Variants in WWOX observed in about 807,000 individuals in gnomAD.
WWOX encodes WW domain-containing oxidoreductase.
A neutral mutation model predicts 46.2 loss-of-function variants in WWOX; 69 were observed. That is an observed-to-expected ratio of 1.49 (90% CI 1.23 to 1.82). The LOEUF (loss-of-function observed/expected upper bound fraction) is 1.82. WWOX is among the 40% of genes most tolerant of loss of function. The probability of loss-of-function intolerance (pLI) is 0.00; values close to 1 mark genes in which losing one functional copy is unlikely to be tolerated. For synonymous variants in WWOX, 359 were observed against 202.6 expected (o/e 1.77, Z -6.56); for missense variants, 919 against 542.6 (o/e 1.69, Z -6.89).
chr16:78,517,876 T>C, intron 8 of WWOX, among the ~76,000 whole-genome samples: 1 of 149,446 alleles, frequency 6.7e-6, no homozygotes. Flanking sequence ...TTTTTTTTTT[T>C]TTTACTCTGA....
At chr16:78,958,024 G>A (rs1052902376) in intron 8 of WWOX, among the ~76,000 whole-genome samples, 2 of 152,158 alleles carry the variant, frequency 1.3e-5, no homozygotes, top group Non-Finnish European at 2.9e-5. Flanking sequence ...GGCCACATGA[G>A]CTGTTTTCTG....
intron 8 of WWOX, among the ~76,000 whole-genome samples, chr16:79,111,635 A>C (rs983784532): frequency 2.6e-5 from 4 of 152,222 alleles, no homozygotes; most frequent in Non-Finnish European, 4.4e-5. Flanking sequence ...AAGAGACCAA[A>C]AAGTCTTGTA....
At chr16:78,746,320 A>G (rs1319195221) in intron 8 of WWOX, among the ~76,000 whole-genome samples, 3 of 152,146 alleles carry the variant, frequency 2.0e-5, no homozygotes, top group Non-Finnish European at 4.4e-5. Context: ...CAATATAGCA[A>G]GACATTGCCT....
chr16:79,044,487 C>A (rs971593970), intron 8 of WWOX, among the ~76,000 whole-genome samples: 1 of 152,084 alleles, frequency 6.6e-6, no homozygotes, highest in Non-Finnish European at 1.5e-5. Flanking sequence ...GCACAGCCCC[C>A]CACCCTGTCT....
At chr16:78,308,161 C>G (rs2080168490) in intron 5 of WWOX, among the ~76,000 whole-genome samples, 1 of 152,126 alleles carries the variant, frequency 6.6e-6, no homozygotes, top group African/African-American at 2.4e-5. Context: ...AGTCCTTCCC[C>G]TAGCATGTTA....
At chr16:78,990,694 G>C (rs1055474927) in intron 8 of WWOX, among the ~76,000 whole-genome samples, 1 of 152,080 alleles carries the variant, frequency 6.6e-6, no homozygotes, top group African/African-American at 2.4e-5. Flanking sequence ...GCACATAGAG[G>C]AAAGAAGGAA....
intron 3 of WWOX, among the ~76,000 whole-genome samples, chr16:78,110,625 A>T (rs1193480735): frequency 1.3e-5 from 2 of 152,202 alleles, no homozygotes; most frequent in East Asian, 3.9e-4. Context: ...TTCTGTCTTT[A>T]GGATAAATTC....
At chr16:78,128,872 G>A (rs1366741559) in intron 4 of WWOX, among the ~76,000 whole-genome samples, 1 of 152,192 alleles carries the variant, frequency 6.6e-6, no homozygotes. Context: ...GGTTTGAGAA[G>A]CTTCTATCAG....
intron 8 of WWOX, among the ~76,000 whole-genome samples, chr16:79,063,348 C>T (rs555289968): frequency 2.0e-5 from 3 of 152,282 alleles, no homozygotes; most frequent in South Asian, 2.1e-4. Context: ...TATTTCCTGG[C>T]GTGCGTATCT....
intron 8 of WWOX, among the ~76,000 whole-genome samples, chr16:78,513,329 G>A (rs1476517414): frequency 1.3e-5 from 2 of 152,136 alleles, no homozygotes; most frequent in African/African-American, 2.4e-5. Flanking sequence ...AGAGGGTATG[G>A]GCAACATTTG....
chr16:78,991,982 C>G (rs985739471), intron 8 of WWOX, among the ~76,000 whole-genome samples: 1 of 152,188 alleles, frequency 6.6e-6, no homozygotes, highest in Non-Finnish European at 1.5e-5. Context: ...CGAAATGAAA[C>G]TCAGGGGGTT....
At chr16:78,964,756 G>T (rs1369408466) in intron 8 of WWOX, among the ~76,000 whole-genome samples, 1 of 152,220 alleles carries the variant, frequency 6.6e-6, no homozygotes, top group East Asian at 1.9e-4. Flanking sequence ...CCTATCAGAG[G>T]CCTGAAGTCC....
chr16:79,071,902 T>C (rs576266047), intron 8 of WWOX, among the ~76,000 whole-genome samples: 3 of 152,196 alleles, frequency 2.0e-5, no homozygotes, highest in Non-Finnish European at 4.4e-5. Context: ...ATGGTCTCAT[T>C]GGGTGGTAGG....
chr16:78,644,722 C>A (rs569719120), intron 8 of WWOX, among the ~76,000 whole-genome samples: 51 of 152,166 alleles, frequency 3.4e-4, no homozygotes, highest in Non-Finnish European at 6.0e-4. Flanking sequence ...CTTTGCCTCC[C>A]AAAGTGCTGG....
intron 8 of WWOX, among the ~76,000 whole-genome samples, chr16:78,635,953 G>C (rs1034455747): frequency 6.6e-6 from 1 of 152,184 alleles, no homozygotes; most frequent in Admixed American, 6.5e-5. Context: ...TGGAAGTACA[G>C]AGGAAGCCTT....
intron 5 of WWOX, among the ~76,000 whole-genome samples, chr16:78,362,144 A>G (rs117306459): frequency 0.011 from 1,642 of 151,876 alleles, 17 homozygotes; most frequent in Non-Finnish European, 0.014. Flanking sequence ...GGCTGGTGAG[A>G]ACTTGATTTT....
intron 8 of WWOX, among the ~76,000 whole-genome samples, chr16:79,196,757 A>G (rs1035253784): frequency 6.6e-6 from 1 of 152,000 alleles, no homozygotes; most frequent in African/African-American, 2.4e-5. Flanking sequence ...TTGTTACAAC[A>G]TGTAGATTTC....
At chr16:79,191,632 C>G (rs747935054) in intron 8 of WWOX, among the ~76,000 whole-genome samples, 5 of 152,118 alleles carry the variant, frequency 3.3e-5, no homozygotes, top group Admixed American at 6.5e-5. Context: ...TCTATCAAAT[C>G]CTAGCTGGAC....
In WWOX at chr16:79,212,076, G is replaced by A. The variant is rs766067195; in HGVS notation, c.*280G>A. 207 of 1,536,418 alleles carry A rather than the reference G, an allele frequency of 1.3e-4. No individual in the cohort carries two copies. The highest frequency in any genetic ancestry group is 2.5e-4 in the South Asian group (21 of 84,060). ...AAAACCTGCTTGGTGTGTAGGTTCCGTATCTCCCTGGAGAAGCACCAGCAA... is the reference window on the plus strand; with the variant it reads ...AAAACCTGCTTGGTGTGTAGGTTCCATATCTCCCTGGAGAAGCACCAGCAA... On this transcript the variant is annotated 3_prime_UTR_variant, in exon 9 of 9. Coordinates refer to ENST00000566780, the MANE Select transcript of WWOX (RefSeq NM_016373.4).
Sources: gnomAD v4.1 joint callset for allele counts (sites outside exome capture counted in the v4.1 genomes callset) on GRCh38, gnomAD v4.1.1 for gene constraint, MANE v1.5 for transcripts, NCBI Gene and HGNC (gene_info 2026-07-23, HGNC 2026-07-21) for gene names.